The following CSRNP3 variants were observed in gnomAD, a reference collection of about 807,000 sequenced individuals.
CSRNP3 encodes cysteine/serine-rich nuclear protein 3.
CSRNP3 carries 12 observed loss-of-function variants against 48.0 expected under a neutral mutation model. That is an observed-to-expected ratio of 0.25 (90% CI 0.16 to 0.41). CSRNP3 has a LOEUF of 0.41. CSRNP3 is among the 10% of genes least tolerant of loss of function. The probability of loss-of-function intolerance (pLI) is 1.00; values close to 1 mark genes in which losing one functional copy is unlikely to be tolerated. For synonymous variants in CSRNP3, 263 were observed against 269.7 expected (o/e 0.98, Z 0.24); for missense variants, 580 against 724.4 (o/e 0.80, Z 2.29).
Position 165,581,567 on chromosome 2 carries a change from C to T in CSRNP3, c.-23-13476C>T, listed in dbSNP as rs568934242. On this transcript the variant is annotated intron_variant, in intron 3 of 6. Transcript: ENST00000651982. The stretch of plus-strand genomic sequence containing the variant: ...CCCACCTTTTTTTGAGACAGAGTCT[C>T]ACTCTGTCACCCAGGCTGGAGTACA... 2.7e-3 allele frequency among the ~76,000 whole-genome samples: 333 copies of T among 125,342 alleles called. 1 individual carries two copies. The highest frequency in any genetic ancestry group is 0.018 in the South Asian group (59 of 3,352). The allele number at this position is 125,342 out of a possible 152,430, so 82.2% of individuals were successfully genotyped here.
intron 3 of CSRNP3, among the ~76,000 whole-genome samples, chr2:165,541,047 T>C (rs1684950044): frequency 1.3e-5 from 2 of 151,968 alleles, no homozygotes; most frequent in South Asian, 4.1e-4. Context: ...CTGCTTGAGC[T>C]TAGAGTCAAT....
intron 2 of CSRNP3, among the ~76,000 whole-genome samples, chr2:165,512,928 C>A (rs934693241): frequency 5.3e-5 from 8 of 152,154 alleles, no homozygotes; most frequent in African/African-American, 1.9e-4. Flanking sequence ...CACGGTGAAA[C>A]CCCATGTCTA....
chr2:165,625,738 T>C (rs1229593332), intron 4 of CSRNP3, among the ~76,000 whole-genome samples: 1 of 144,458 alleles, frequency 6.9e-6, no homozygotes, highest in African/African-American at 2.6e-5. Flanking sequence ...TTCGAGACCA[T>C]CCTGGCCAAC....
chr2:165,624,017 T>C (rs1558953887), intron 4 of CSRNP3, among the ~76,000 whole-genome samples: 1 of 152,160 alleles, frequency 6.6e-6, no homozygotes, highest in Non-Finnish European at 1.5e-5. Context: ...CTCTTATCGC[T>C]CCCACTCCTA....
intron 2 of CSRNP3, among the ~76,000 whole-genome samples, chr2:165,502,495 T>C (rs1316881189): frequency 1.3e-5 from 2 of 152,114 alleles, no homozygotes; most frequent in Non-Finnish European, 2.9e-5. Context: ...TGATTATTGC[T>C]GTTTATGACT....
chr2:165,507,398 C>T (rs969580035), intron 2 of CSRNP3, among the ~76,000 whole-genome samples: 1 of 152,142 alleles, frequency 6.6e-6, no homozygotes, highest in Non-Finnish European at 1.5e-5. Context: ...CATCATCATG[C>T]CACTAATATT....
intron 3 of CSRNP3, among the ~76,000 whole-genome samples, chr2:165,576,522 G>C (rs1685453606): frequency 6.6e-6 from 1 of 152,036 alleles, no homozygotes; most frequent in Admixed American, 6.6e-5. Context: ...GAGAAAACGT[G>C]ATAATAGACA....
intron 2 of CSRNP3, among the ~76,000 whole-genome samples, chr2:165,517,105 A>G (rs1180968777): frequency 6.6e-6 from 1 of 152,026 alleles, no homozygotes; most frequent in Non-Finnish European, 1.5e-5. Flanking sequence ...TTTTATATGG[A>G]CTTGGTAATA....
At chr2:165,522,012 C>G (rs1413157669) in intron 3 of CSRNP3, among the ~76,000 whole-genome samples, 2 of 152,050 alleles carry the variant, frequency 1.3e-5, no homozygotes, top group African/African-American at 4.8e-5. Context: ...TCAACAAGGC[C>G]AGGCATGGTG....
chr2:165,673,836 C>T lies in CSRNP3; in HGVS notation c.409-2476C>T, dbSNP rs190132826. Among the ~76,000 whole-genome samples the T allele has an allele frequency of 8.8e-3, 1,344 of 152,134 alleles. 19 individuals carry two copies. The highest frequency in any genetic ancestry group is 0.031 in the African/African-American group (1,269 of 41,498). ...AGGAGTTCGAGACCAGCCTGACCAACAGGATGAAACCCCATCTCTACTAAA... is the reference window on the plus strand; with the variant it reads ...AGGAGTTCGAGACCAGCCTGACCAATAGGATGAAACCCCATCTCTACTAAA... On this transcript the variant is annotated intron_variant, in intron 5 of 6. Transcript: ENST00000651982.
chr2:165,636,424 A>G (rs1686628638), intron 4 of CSRNP3, among the ~76,000 whole-genome samples: 2 of 152,184 alleles, frequency 1.3e-5, no homozygotes, highest in African/African-American at 4.8e-5. Flanking sequence ...TATGAGGATA[A>G]CTGTACTAAC....
intron 4 of CSRNP3, among the ~76,000 whole-genome samples, chr2:165,641,824 G>T (rs891601800): frequency 6.6e-6 from 1 of 152,114 alleles, no homozygotes; most frequent in Non-Finnish European, 1.5e-5. Context: ...AAAGGTAAAA[G>T]AAGTTGGATC....
chr2:165,593,453 T>A (rs560603964), intron 3 of CSRNP3, among the ~76,000 whole-genome samples: 84 of 152,136 alleles, frequency 5.5e-4, no homozygotes, highest in Non-Finnish European at 9.7e-4. Context: ...GGATGGGAGC[T>A]GAGAATTTGC....
rs114888237 is a variant in CSRNP3, at chr2:165,578,345, C to T, written c.-23-16698C>T. Among the ~76,000 whole-genome samples the T allele has an allele frequency of 4.0e-3, 610 of 152,192 alleles. 4 individuals carry two copies. The highest frequency in any genetic ancestry group is 0.014 in the African/African-American group (583 of 41,572). On this transcript the variant is annotated intron_variant, in intron 3 of 6. Transcript: ENST00000651982. ...GCATTTAGCCACATGTGTTCATGCT[C>T]ATGTCTTACACTCTCCCTAATCATA...
intron 4 of CSRNP3, among the ~76,000 whole-genome samples, chr2:165,611,820 T>C (rs1347652733): frequency 6.6e-6 from 1 of 152,150 alleles, no homozygotes; most frequent in Non-Finnish European, 1.5e-5. Flanking sequence ...CTTAATATAA[T>C]GCCTGTCTGT....
At position 165,616,080 on chromosome 2, in the gene CSRNP3, T is replaced by G. The variant is rs553922971; in HGVS notation, c.148+20867T>G. ...GTGTATCTTTACAGATGAAGTGAGT[T>G]TCTTGTGGGCAACATATAATTGGGT... On this transcript the variant is annotated intron_variant, in intron 4 of 6. Transcript: ENST00000651982. Among the ~76,000 whole-genome samples, 121 of 152,200 alleles carry G rather than the reference T, an allele frequency of 8.0e-4. 2 individuals carry two copies. The South Asian group carries it at 0.025, about 31-fold the overall frequency.
intron 3 of CSRNP3, among the ~76,000 whole-genome samples, chr2:165,547,112 C>G (rs959340025): frequency 6.6e-6 from 1 of 152,122 alleles, no homozygotes; most frequent in Non-Finnish European, 1.5e-5. Flanking sequence ...AAAAACTGCT[C>G]TCTTGGTATT....
At chr2:165,501,364 G>A (rs763774210) in intron 2 of CSRNP3, among the ~76,000 whole-genome samples, 3 of 152,112 alleles carry the variant, frequency 2.0e-5, no homozygotes, top group Non-Finnish European at 4.4e-5. Flanking sequence ...TTGAAAAATT[G>A]AAGAATGGAG....
intron 2 of CSRNP3, among the ~76,000 whole-genome samples, chr2:165,507,606 C>G (rs1253163131): frequency 2.0e-5 from 3 of 151,922 alleles, no homozygotes; most frequent in Non-Finnish European, 4.4e-5. Context: ...ACATTTTTTC[C>G]TTTATTTACA....
Sources: gnomAD v4.1 joint callset for allele counts (sites outside exome capture counted in the v4.1 genomes callset) on GRCh38, gnomAD v4.1.1 for gene constraint, MANE v1.5 for transcripts, NCBI Gene and HGNC (gene_info 2026-07-23, HGNC 2026-07-21) for gene names.